MICAL2: variants seen among roughly 807,000 people sequenced by gnomAD.
MICAL2 encodes microtubule associated monooxygenase, calponin and LIM domain containing 2, also known as [F-actin]-monooxygenase MICAL2.
Under a neutral mutation model 127.3 loss-of-function variants are expected in MICAL2, and 77 were observed. The ratio of observed to expected loss-of-function variants is 0.60; its 90% confidence interval spans 0.50 to 0.73. MICAL2 has a LOEUF of 0.73. Among genes scored for constraint, MICAL2 ranks in the 30% least tolerant of loss-of-function variants. The pLI, the probability that MICAL2 is intolerant of heterozygous loss-of-function variation, is 0.00. For missense variants in MICAL2, 1,351 were observed against 1,434.4 expected, an observed-to-expected ratio of 0.94 and a Z score of 0.94; for synonymous variants, 570 against 551.1, an observed-to-expected ratio of 1.03 and a Z score of -0.48.
intron 3 of MICAL2, among the ~76,000 whole-genome samples, chr11:12,187,420 A>G (rs1348703549): frequency 1.3e-5 from 2 of 152,184 alleles, no homozygotes; most frequent in African/African-American, 2.4e-5. Flanking sequence ...CCATCCTTAC[A>G]ATGGGGAGAG....
chr11:12,242,171 G>C, intron 18 of MICAL2, 43 bp from the exon 19 acceptor site: 1 of 1,508,662 alleles, frequency 6.6e-7, no homozygotes, highest in Non-Finnish European at 9.0e-7. Flanking sequence ...GTGTATGAAA[G>C]GGCCGCAGTA....
At position 12,142,194 on chromosome 11, in the gene MICAL2, C is replaced by T. The variant is rs138434154; in HGVS notation, c.-78+3734C>T. Among the ~76,000 whole-genome samples, 760 of 152,284 alleles carry T rather than the reference C, an allele frequency of 5.0e-3. 3 individuals are homozygous for T. Among genetic ancestry groups the T allele is most frequent in the African/African-American group, 0.017 (721 of 41,548 alleles). ...TGAATGTCTAAGGTGTTAGCAGGGCCCCCACAGCTCCTACCTCATTGTTTA... is the reference window on the plus strand; with the variant it reads ...TGAATGTCTAAGGTGTTAGCAGGGCTCCCACAGCTCCTACCTCATTGTTTA... On this transcript the variant is annotated intron_variant, in intron 2 of 27. Transcript: ENST00000683283.
chr11:12,198,896 C>T (rs536675920), intron 3 of MICAL2, among the ~76,000 whole-genome samples: 2 of 152,338 alleles, frequency 1.3e-5, no homozygotes, highest in South Asian at 2.1e-4. Flanking sequence ...ACCTGGCTTG[C>T]TCGTTCCTTG....
chr11:12,278,680 T>G (rs1863743683), intron 1 of MICAL2, among the ~76,000 whole-genome samples: 1 of 152,174 alleles, frequency 6.6e-6, no homozygotes, highest in South Asian at 2.1e-4. Context: ...GGTGGAAGCC[T>G]GCAGCTCGGG....
At chr11:12,220,563 C>T in intron 9 of MICAL2, 105 bp downstream of exon 9, 13 of 1,456,818 alleles carry the variant, frequency 8.9e-6, no homozygotes, top group Non-Finnish European at 1.2e-5. Flanking sequence ...AGGACAGGCT[C>T]TCAGCCAGTT....
At chr11:12,315,914 A>T (rs890658622) in intron 29 of MICAL2, among the ~76,000 whole-genome samples, 2 of 152,106 alleles carry the variant, frequency 1.3e-5, no homozygotes, top group African/African-American at 4.8e-5. Flanking sequence ...GAGCTCTGTA[A>T]TTAATTAATA....
chr11:12,162,722 G>C (rs576126383), intron 3 of MICAL2, among the ~76,000 whole-genome samples: 1 of 152,214 alleles, frequency 6.6e-6, no homozygotes, highest in Non-Finnish European at 1.5e-5. Context: ...ACTTCTAGTA[G>C]CTGCTATTTG....
rs372236270 is a variant in MICAL2 at position 12,186,754 on chromosome 11, T to C, written c.265-17496T>C. 4.2e-4 allele frequency among the ~76,000 whole-genome samples: 64 copies of C among 152,236 alleles called. 1 individual carries two copies. The highest frequency in any genetic ancestry group is 1.2e-3 in the African/African-American group (48 of 41,540). ...GGGAGCTGAGTTGACTCTGAACATA[T>C]TGGGCCATTCAAGGGTGCCCAGCAC... On this transcript the variant is annotated intron_variant, in intron 3 of 27. Transcript: ENST00000683283.
At chr11:12,352,178 A>G (rs540086147) in intron 33 of MICAL2, among the ~76,000 whole-genome samples, 11 of 152,356 alleles carry the variant, frequency 7.2e-5, no homozygotes, top group African/African-American at 2.4e-4. Context: ...CCCTTTTTAT[A>G]TAGCTACTGT....
At chr11:12,321,092 T>C (rs1039322572) in intron 30 of MICAL2, among the ~76,000 whole-genome samples, 13 of 152,038 alleles carry the variant, frequency 8.6e-5, no homozygotes, top group African/African-American at 3.1e-4. Context: ...CCAAACATAT[T>C]GAAATAGCAA....
At chr11:12,152,637 G>A (rs1456233877) in intron 2 of MICAL2, among the ~76,000 whole-genome samples, 1 of 152,082 alleles carries the variant, frequency 6.6e-6, no homozygotes, top group African/African-American at 2.4e-5. Context: ...GAGAGTCTGG[G>A]GAAGACAGAA....
chr11:12,268,729 G>C (rs550003682), downstream of MICAL2, among the ~76,000 whole-genome samples: 3 of 152,168 alleles, frequency 2.0e-5, no homozygotes, highest in African/African-American at 7.2e-5. Flanking sequence ...GGTCGCTCAC[G>C]CGTGTAATCC....
intron 34 of MICAL2, among the ~76,000 whole-genome samples, chr11:12,357,175 C>T (rs992881874): frequency 2.6e-5 from 4 of 152,198 alleles, no homozygotes; most frequent in African/African-American, 9.6e-5. Flanking sequence ...AAGTGGCACC[C>T]TCTCTACTCT....
intron 3 of MICAL2, among the ~76,000 whole-genome samples, chr11:12,169,306 G>A (rs1461645395): frequency 6.6e-6 from 1 of 152,160 alleles, no homozygotes; most frequent in African/African-American, 2.4e-5. Flanking sequence ...CTCAGTAGGT[G>A]TGGATCTAAC....
intron 21 of MICAL2, among the ~76,000 whole-genome samples, chr11:12,246,877 A>T (rs528854599): frequency 6.6e-5 from 10 of 152,340 alleles, no homozygotes; most frequent in African/African-American, 2.2e-4. Flanking sequence ...CTTACACCCT[A>T]CAAGCCTACA....
intron 16 of MICAL2, 121 bp downstream of exon 16, chr11:12,236,366 T>G: frequency 1.2e-6 from 1 of 867,572 alleles, no homozygotes; most frequent in Non-Finnish European, 1.9e-6. Flanking sequence ...ACCACTGGGT[T>G]CCAAGCTTGG....
At position 12,162,185 on chromosome 11, in the gene MICAL2, C is replaced by A. The variant is rs1211981661; in HGVS notation, c.30C>A (p.Ala10=). 2.5e-6 allele frequency: 4 copies of A among 1,614,040 alleles called. No homozygotes were observed. Among genetic ancestry groups the A allele is most frequent in the Non-Finnish European group, 3.4e-6 (4 of 1,180,048 alleles). The change falls in exon 3 of 28, where the codon GCC becomes GCA. Residue 10 remains alanine, a synonymous_variant. Transcript: ENST00000683283. MGENEDEKQ[A]QAGQVFENFV... ...GGGAAAACGAGGATGAGAAGCAGGC[C>A]CAGGCGGGGCAGGTTTTTGAGAACT...
At chr11:12,270,947 C>T (rs553698295) in intron 24 of MICAL2, among the ~76,000 whole-genome samples, 22 of 152,276 alleles carry the variant, frequency 1.4e-4, no homozygotes, top group South Asian at 6.2e-4. Flanking sequence ...GGGAGTGCCG[C>T]GCCTCTCCAT....
chr11:12,214,577 G>A (rs1855909585), intron 7 of MICAL2, among the ~76,000 whole-genome samples: 2 of 152,200 alleles, frequency 1.3e-5, no homozygotes, highest in African/African-American at 4.8e-5. Context: ...ACTATGGCTG[G>A]CCACATGGTT....
Sources: gnomAD v4.1 joint callset for allele counts (sites outside exome capture counted in the v4.1 genomes callset) on GRCh38, gnomAD v4.1.1 for gene constraint, MANE v1.5 for transcripts, NCBI Gene and HGNC (gene_info 2026-07-23, HGNC 2026-07-21) for gene names.